The following GRIP1 variants were observed in gnomAD, a reference collection of about 807,000 sequenced individuals.
GRIP1 encodes glutamate receptor-interacting protein 1.
A neutral mutation model predicts 129.9 loss-of-function variants in GRIP1; 45 were observed. The observed-to-expected ratio is 0.35, with a 90% CI of 0.27 to 0.44. The LOEUF is 0.44. Among genes scored for constraint, GRIP1 ranks in the 20% least tolerant of loss-of-function variants. The probability of loss-of-function intolerance (pLI) is 1.00; values close to 1 mark genes in which losing one functional copy is unlikely to be tolerated. For missense variants in GRIP1, 1,196 were observed against 1,396.8 expected (o/e 0.86, Z 2.29); for synonymous variants, 530 against 520.8 (o/e 1.02, Z -0.24).
intron 1 of GRIP1, among the ~76,000 whole-genome samples, chr12:66,835,964 A>T (rs1450127519): frequency 6.6e-6 from 1 of 152,070 alleles, no homozygotes; most frequent in Non-Finnish European, 1.5e-5. Context: ...GTGTGTGTAT[A>T]GGGGGAGGGA....
intron 7 of GRIP1, among the ~76,000 whole-genome samples, chr12:66,473,150 T>A (rs1476147320): frequency 6.6e-6 from 1 of 151,828 alleles, no homozygotes; most frequent in African/African-American, 2.4e-5. Context: ...GGGAGGGGCG[T>A]CCCTCAATAC....
intron 12 of GRIP1, 57 bp from the exon 13 acceptor site, chr12:66,444,786 G>A (rs2058574531): frequency 2.5e-6 from 4 of 1,582,186 alleles, no homozygotes; most frequent in Non-Finnish European, 3.5e-6. Flanking sequence ...ACCAAGCTGA[G>A]CTTGCCAAAT....
intron 1 of GRIP1, among the ~76,000 whole-genome samples, chr12:66,675,656 T>C (rs1447443135): frequency 1.3e-5 from 2 of 152,140 alleles, no homozygotes; most frequent in Non-Finnish European, 2.9e-5. Flanking sequence ...TTTTGTCAGA[T>C]GTCTCTGGAA....
intron 1 of GRIP1, among the ~76,000 whole-genome samples, chr12:67,056,930 T>C (rs550463358): frequency 3.3e-5 from 5 of 152,138 alleles, no homozygotes; most frequent in African/African-American, 1.2e-4. Context: ...CCTGCCTCAA[T>C]CTCCCAAGTA....
chr12:66,717,692 A>T (rs575487017), intron 1 of GRIP1, among the ~76,000 whole-genome samples: 17 of 152,274 alleles, frequency 1.1e-4, no homozygotes, highest in African/African-American at 4.1e-4. Context: ...TAAAATGGTG[A>T]TGCATATTGA....
At chr12:66,997,414 C>T (rs2042484372) in intron 1 of GRIP1, among the ~76,000 whole-genome samples, 1 of 151,956 alleles carries the variant, frequency 6.6e-6, no homozygotes, top group South Asian at 2.1e-4. Flanking sequence ...GAAACCCTAT[C>T]TCAAAAAATA....
At chr12:66,627,857 C>T (rs10878473) in intron 1 of GRIP1, among the ~76,000 whole-genome samples, 1 of 151,780 alleles carries the variant, frequency 6.6e-6, no homozygotes, top group South Asian at 2.1e-4. Context: ...TAAGGGCTCC[C>T]TGGGGAGAAG....
At chr12:66,389,652 G>A (rs905975545) in intron 19 of GRIP1, among the ~76,000 whole-genome samples, 5 of 152,076 alleles carry the variant, frequency 3.3e-5, no homozygotes, top group Non-Finnish European at 5.9e-5. Context: ...AACTGTAAGC[G>A]CAAAATGAGT....
At chr12:66,751,852 G>A (rs1006903688) in intron 1 of GRIP1, among the ~76,000 whole-genome samples, 6 of 152,164 alleles carry the variant, frequency 3.9e-5, no homozygotes, top group Non-Finnish European at 8.8e-5. Flanking sequence ...GACAACATGT[G>A]TCACAAGCTA....
intron 7 of GRIP1, among the ~76,000 whole-genome samples, chr12:66,491,658 A>G (rs557685841): frequency 2.0e-5 from 3 of 152,320 alleles, no homozygotes; most frequent in East Asian, 3.9e-4. Context: ...AAAACAAAGA[A>G]AAAAGGGGGC....
At chr12:66,514,700 C>T (rs936422813) in intron 7 of GRIP1, among the ~76,000 whole-genome samples, 1 of 151,954 alleles carries the variant, frequency 6.6e-6, no homozygotes, top group Non-Finnish European at 1.5e-5. Flanking sequence ...ATTAGGAAAC[C>T]TCATAGTCTC....
chr12:66,536,020 C>T (rs7131852), intron 4 of GRIP1, among the ~76,000 whole-genome samples: 98,601 of 152,004 alleles, frequency 0.65, 32,041 homozygotes, highest in South Asian at 0.71. Flanking sequence ...TTCCTGTTAA[C>T]GGATACTCTG....
intron 1 of GRIP1, among the ~76,000 whole-genome samples, chr12:67,022,507 A>G (rs2042882190): frequency 6.6e-6 from 1 of 152,148 alleles, no homozygotes; most frequent in African/African-American, 2.4e-5. Context: ...TCCAGAAACT[A>G]CTATGTTGTT....
At chr12:66,725,722 C>A (rs940781921) in intron 1 of GRIP1, among the ~76,000 whole-genome samples, 3 of 152,126 alleles carry the variant, frequency 2.0e-5, no homozygotes, top group Non-Finnish European at 4.4e-5. Context: ...CTCCAGTACA[C>A]ACATTTATAT....
intron 1 of GRIP1, among the ~76,000 whole-genome samples, chr12:66,738,856 A>C (rs1320818784): frequency 1.3e-5 from 2 of 152,196 alleles, no homozygotes; most frequent in Non-Finnish European, 2.9e-5. Flanking sequence ...ATCTGTTTCC[A>C]GAATGGAAGC....
intron 1 of GRIP1, among the ~76,000 whole-genome samples, chr12:67,051,412 ATT>A (rs1305219084): frequency 1.3e-5 from 2 of 152,114 alleles, no homozygotes; most frequent in Non-Finnish European, 2.9e-5. Flanking sequence ...CATGTTCCTA[ATT>A]TTTTTCAGTA....
intron 1 of GRIP1, among the ~76,000 whole-genome samples, chr12:66,785,657 C>A (rs938398212): frequency 6.6e-6 from 1 of 151,984 alleles, no homozygotes; most frequent in African/African-American, 2.4e-5. Flanking sequence ...TCTTACTCTG[C>A]CTGAAATTCC....
At chr12:66,401,592 A>G (rs1324070859) in intron 16 of GRIP1, among the ~76,000 whole-genome samples, 21 of 83,084 alleles carry the variant, frequency 2.5e-4, no homozygotes, top group South Asian at 2.4e-3. Context: ...AAAAAAAAAT[A>G]TGTGTGTATA....
rs17102852 is a variant in GRIP1, at chr12:66,739,068, G to A, written c.-420+64985C>T. Among the ~76,000 whole-genome samples, 1,089 of 152,166 alleles carry A rather than the reference G, an allele frequency of 7.2e-3. 19 individuals carry two copies. Among genetic ancestry groups the A allele is most frequent in the African/African-American group, 0.024 (979 of 41,510 alleles). On this transcript the variant is annotated intron_variant, in intron 1 of 4. Coordinates refer to the GRIP1 transcript ENST00000538373. ...ACATTCTCCAGTGACCACAAACACCGGGTCTATAATGTGCTCTGGTCACGA... is the reference window on the plus strand; with the variant it reads ...ACATTCTCCAGTGACCACAAACACCAGGTCTATAATGTGCTCTGGTCACGA...
Sources: allele counts gnomAD v4.1 joint callset (sites outside exome capture counted in the v4.1 genomes callset), GRCh38; gene constraint gnomAD v4.1.1; transcripts MANE v1.5; gene names NCBI Gene and HGNC (gene_info 2026-07-23, HGNC 2026-07-21).